PPP1R9A: variants seen among roughly 807,000 people sequenced by gnomAD.
The protein encoded by PPP1R9A is protein phosphatase 1 regulatory subunit 9A.
A neutral mutation model predicts 141.9 loss-of-function variants in PPP1R9A; 59 were observed. The observed-to-expected ratio is 0.42, with a 90% CI of 0.34 to 0.52. The LOEUF (loss-of-function observed/expected upper bound fraction) is 0.52. Ranked by LOEUF, PPP1R9A falls within the 20% of genes least tolerant of loss-of-function variation. PPP1R9A has a pLI of 0.10. For missense variants in PPP1R9A, 1,444 were observed against 1,611.9 expected (o/e 0.90, Z 1.78); for synonymous variants, 500 against 569.7 (o/e 0.88, Z 1.74).
At chr7:94,994,446 C>T (rs186948210) in intron 2 of PPP1R9A, among the ~76,000 whole-genome samples, 1 of 152,228 alleles carries the variant, frequency 6.6e-6, no homozygotes, top group East Asian at 1.9e-4. Context: ...CTGAGTCTTT[C>T]ACCATTAAGT....
chr7:95,096,956 T>A (rs937718101), intron 2 of PPP1R9A, among the ~76,000 whole-genome samples: 2 of 152,240 alleles, frequency 1.3e-5, no homozygotes, highest in African/African-American at 4.8e-5. Flanking sequence ...ATGTCTCTAC[T>A]GTGTGCTCCC....
intron 4 of PPP1R9A, among the ~76,000 whole-genome samples, chr7:95,133,671 G>T (rs1825094842): frequency 6.6e-6 from 1 of 151,730 alleles, no homozygotes; most frequent in South Asian, 2.1e-4. Flanking sequence ...CCATGTCCAG[G>T]TGCATTACAT....
chr7:95,275,015 A>G (rs1802899918), intron 16 of PPP1R9A, among the ~76,000 whole-genome samples: 1 of 152,250 alleles, frequency 6.6e-6, no homozygotes, highest in African/African-American at 2.4e-5. Context: ...AAAGAATAAT[A>G]AAGATAACAA....
chr7:94,944,684 A>G (rs1795708652), intron 2 of PPP1R9A, among the ~76,000 whole-genome samples: 1 of 151,966 alleles, frequency 6.6e-6, no homozygotes, highest in Non-Finnish European at 1.5e-5. Flanking sequence ...TTTTGTAATC[A>G]CTTTTTGTGG....
intron 2 of PPP1R9A, among the ~76,000 whole-genome samples, chr7:95,007,451 GA>G (rs1380871410): frequency 7.4e-4 from 112 of 152,250 alleles, no homozygotes; most frequent in Middle Eastern, 3.4e-3. Flanking sequence ...CTGCGGTTGA[GA>G]ACCACTGCTC....
chr7:95,180,791 C>T (rs772346178), intron 5 of PPP1R9A, among the ~76,000 whole-genome samples: 20 of 151,036 alleles, frequency 1.3e-4, no homozygotes, highest in South Asian at 4.1e-4. Flanking sequence ...CACTAATAAT[C>T]GGGGAAATGC....
At chr7:95,076,982 TA>T (rs1186740100) in intron 2 of PPP1R9A, among the ~76,000 whole-genome samples, 4 of 152,156 alleles carry the variant, frequency 2.6e-5, no homozygotes, top group African/African-American at 4.8e-5. Context: ...TTATACCTTT[TA>T]TTTTTTTTCT....
chr7:95,235,943 A>G lies in PPP1R9A; in HGVS notation c.2112+9827A>G, dbSNP rs545355719. ...CTCACTTAAATGTGGGAGCTAAGCT[A>G]TGGGTACACAAAGGCATGAGTGATA... On this transcript the variant is annotated intron_variant, in intron 8 of 19. Coordinates refer to ENST00000433360, the MANE Select transcript of PPP1R9A (RefSeq NM_001166160.2). Among the ~76,000 whole-genome samples the G allele has an allele frequency of 2.6e-5, 4 of 152,296 alleles. No individual in the cohort carries two copies. In the South Asian group the frequency reaches 6.2e-4, roughly 24 times the overall value.
In PPP1R9A at chr7:94,964,049, C is replaced by T. The variant is rs74298926; in HGVS notation, c.1395+52541C>T. On this transcript the variant is annotated intron_variant, in intron 2 of 19. Transcript: ENST00000433360. The stretch of plus-strand genomic sequence containing the variant: ...GACACTGACTAAATTGTTTATTGTG[C>T]GCCTGTGTTCTGAATGCAACTTGTC... Among the ~76,000 whole-genome samples the T allele has an allele frequency of 0.035, 5,270 of 152,084 alleles. 664 individuals carry two copies. In the East Asian group the frequency reaches 0.42, roughly 12 times the overall value.
intron 4 of PPP1R9A, chr7:95,155,302 T>A (rs1347253570): frequency 6.6e-6 from 1 of 151,384 alleles, no homozygotes; most frequent in Non-Finnish European, 1.5e-5. Flanking sequence ...TCCCTCCACT[T>A]CAGCCTCCCA....
At chr7:95,196,424 A>G (rs1460361119) in intron 5 of PPP1R9A, among the ~76,000 whole-genome samples, 3 of 152,222 alleles carry the variant, frequency 2.0e-5, no homozygotes, top group Non-Finnish European at 4.4e-5. Flanking sequence ...CAATTTCTTT[A>G]TAAGTTAATT....
intron 12 of PPP1R9A, among the ~76,000 whole-genome samples, chr7:95,265,186 T>C (rs1401340019): frequency 6.6e-6 from 1 of 152,178 alleles, no homozygotes; most frequent in East Asian, 1.9e-4. Context: ...AAGTTAGCCC[T>C]TGACATGTGC....
At chr7:95,007,875 C>A (rs1803844950) in intron 2 of PPP1R9A, among the ~76,000 whole-genome samples, 1 of 152,046 alleles carries the variant, frequency 6.6e-6, no homozygotes, top group South Asian at 2.1e-4. Flanking sequence ...AGCTCGAGAC[C>A]AACCTGATCA....
chr7:95,168,848 C>G (rs747989930), intron 5 of PPP1R9A, among the ~76,000 whole-genome samples: 1 of 151,928 alleles, frequency 6.6e-6, no homozygotes, highest in African/African-American at 2.4e-5. Context: ...CCGCTTACCC[C>G]AATTAGAATG....
chr7:95,083,276 A>G (rs1197991845), intron 2 of PPP1R9A, among the ~76,000 whole-genome samples: 3 of 151,948 alleles, frequency 2.0e-5, no homozygotes, highest in Admixed American at 2.0e-4. Flanking sequence ...ATAATAAACT[A>G]GGGGAACTTG....
intron 2 of PPP1R9A, among the ~76,000 whole-genome samples, chr7:95,060,650 G>A (rs925051974): frequency 6.6e-6 from 1 of 152,126 alleles, no homozygotes; most frequent in African/African-American, 2.4e-5. Context: ...AGTTACAACT[G>A]GATTTAGATG....
intron 2 of PPP1R9A, among the ~76,000 whole-genome samples, chr7:94,918,739 A>AAAGAATATAGGAGACTTGAAG (rs1432376870): frequency 1.3e-5 from 2 of 152,186 alleles, no homozygotes; most frequent in East Asian, 3.9e-4. Flanking sequence ...TGCTTTTAAA[A>AAAGAATATAGGAGACTTGAAG]AAGAATATAG....
chr7:95,252,317 T>G (rs1798992839), intron 12 of PPP1R9A, among the ~76,000 whole-genome samples, 187 bp downstream of exon 12: 1 of 152,102 alleles, frequency 6.6e-6, no homozygotes, highest in Admixed American at 6.6e-5. Flanking sequence ...TACTTTAATA[T>G]GTAGCATTAA....
chr7:94,996,799 G>GTT lies in PPP1R9A; in HGVS notation c.1395+85309_1395+85310dup, dbSNP rs34164253. 1.3e-3 allele frequency among the ~76,000 whole-genome samples: 149 copies of GTT among 111,608 alleles called. 2 individuals carry two copies. The highest frequency in any genetic ancestry group is 0.011 in the Middle Eastern group (2 of 190). 73.2% of individuals were successfully genotyped at this position (111,608 alleles called of 152,430 possible). A position where few individuals can be genotyped will look rare whatever the true frequency, so the allele number is the denominator to read the frequency against. ...TCATTTTTCAGTTCAGATACTCTGTGTTTTTTTTTTTTTTTTTTTGAGATG... is the reference window on the plus strand; with the variant it reads ...TCATTTTTCAGTTCAGATACTCTGTGTTTTTTTTTTTTTTTTTTTTTGAGATG... On this transcript the variant is annotated intron_variant, in intron 2 of 19. Coordinates refer to ENST00000433360, the MANE Select transcript of PPP1R9A (RefSeq NM_001166160.2).
Sources: gnomAD v4.1 joint callset for allele counts (sites outside exome capture counted in the v4.1 genomes callset) on GRCh38, gnomAD v4.1.1 for gene constraint, MANE v1.5 for transcripts, NCBI Gene and HGNC (gene_info 2026-07-23, HGNC 2026-07-21) for gene names.